MAGI1: variants seen among roughly 807,000 people sequenced by gnomAD.
MAGI1 encodes the protein membrane-associated guanylate kinase, WW and PDZ domain-containing protein 1.
A neutral mutation model predicts 139.9 loss-of-function variants in MAGI1; 58 were observed. The observed-to-expected ratio is 0.41, with a 90% CI of 0.34 to 0.52. The LOEUF (loss-of-function observed/expected upper bound fraction) is 0.52, where lower values mean the gene tolerates loss of function less well. Ranked by LOEUF, MAGI1 falls within the 20% of genes least tolerant of loss-of-function variation. The pLI is 0.12. For missense variants in MAGI1, 1,874 were observed against 1,901.6 expected (o/e 0.99, Z 0.27); for synonymous variants, 812 against 737.9 (o/e 1.10, Z -1.63).
At chr3:65,751,121 A>T (rs1347954606) in intron 1 of MAGI1, among the ~76,000 whole-genome samples, 2 of 152,244 alleles carry the variant, frequency 1.3e-5, no homozygotes, top group Non-Finnish European at 2.9e-5. Context: ...TGGTGAGTAT[A>T]AGCTATAATT....
At chr3:65,394,896 T>C (rs894924451) in intron 13 of MAGI1, among the ~76,000 whole-genome samples, 12 of 152,188 alleles carry the variant, frequency 7.9e-5, no homozygotes, top group African/African-American at 2.9e-4. Flanking sequence ...AGGAGCAGAT[T>C]TGCATTTAAT....
rs147842863 is a variant in MAGI1, at chr3:65,520,693, A to G, written c.431-27062T>C. Among the ~76,000 whole-genome samples the G allele has an allele frequency of 3.2e-3, 489 of 152,310 alleles. 2 individuals carry two copies. Among genetic ancestry groups the G allele is most frequent in the African/African-American group, 0.011 (477 of 41,562 alleles). ...GGCACAACTCCCGGATTTCCACTAC[A>G]TTAAGAGGCCAGATGCAAAAAGAGT... On this transcript the variant is annotated intron_variant, in intron 2 of 22. Transcript: ENST00000402939.
chr3:65,407,446 CAAA>C (rs200345922), intron 12 of MAGI1, among the ~76,000 whole-genome samples: 18 of 97,962 alleles, frequency 1.8e-4, no homozygotes, highest in Admixed American at 3.1e-4. Context: ...GACTCCGTCT[CAAA>C]AAAAAAAAAA....
intron 1 of MAGI1, among the ~76,000 whole-genome samples, chr3:66,036,968 G>A (rs779355959): frequency 2.6e-5 from 4 of 152,130 alleles, no homozygotes; most frequent in Non-Finnish European, 4.4e-5. Context: ...CTTTTAAAAG[G>A]CCTCTACAGA....
intron 1 of MAGI1, among the ~76,000 whole-genome samples, chr3:65,893,110 G>A (rs1260839116): frequency 6.6e-6 from 1 of 152,086 alleles, no homozygotes; most frequent in Non-Finnish European, 1.5e-5. Context: ...AGGCTACACT[G>A]GTAAAAGGCT....
Position 65,986,520 on chromosome 3 carries a change from G to C in MAGI1, c.313+51476C>G, listed in dbSNP as rs536727999. On this transcript the variant is annotated intron_variant, in intron 1 of 22. Transcript: ENST00000402939. ...TTAGCTCTTGCCTTGATGTTCCCCA[G>C]GTGCAAGTGCACACAGCCTTGGTCC... 9.9e-5 allele frequency among the ~76,000 whole-genome samples: 15 copies of C among 152,268 alleles called. No individual in the cohort carries two copies. In the South Asian group the frequency reaches 2.9e-3, roughly 29 times the overall value.
intron 1 of MAGI1, among the ~76,000 whole-genome samples, chr3:66,030,429 T>C (rs1349722985): frequency 6.6e-6 from 1 of 152,200 alleles, no homozygotes; most frequent in African/African-American, 2.4e-5. Flanking sequence ...CTGGGGATAC[T>C]GTGGGAGAAC....
At chr3:65,719,718 G>C (rs1156552516) in intron 1 of MAGI1, among the ~76,000 whole-genome samples, 1 of 151,858 alleles carries the variant, frequency 6.6e-6, no homozygotes, top group Non-Finnish European at 1.5e-5. Flanking sequence ...GCTAATTTTT[G>C]TATTTTTTTG....
At chr3:65,996,485 G>C (rs2066453989) in intron 1 of MAGI1, among the ~76,000 whole-genome samples, 1 of 134,056 alleles carries the variant, frequency 7.5e-6, no homozygotes. Flanking sequence ...CAAGTAAAAA[G>C]CCGTAATTTT....
chr3:65,377,786 T>A (rs933920762), intron 17 of MAGI1, among the ~76,000 whole-genome samples: 4 of 152,212 alleles, frequency 2.6e-5, no homozygotes, highest in African/African-American at 9.7e-5. Flanking sequence ...AAAAGCACTG[T>A]TAGTAATAGG....
intron 2 of MAGI1, among the ~76,000 whole-genome samples, chr3:65,589,669 C>T (rs1437843874): frequency 6.6e-6 from 1 of 151,658 alleles, no homozygotes; most frequent in Non-Finnish European, 1.5e-5. Context: ...TCTGTCACAA[C>T]TACTCAACAC....
In MAGI1 at chr3:65,511,178, C is replaced by T. The variant is rs1435091952; in HGVS notation, c.431-17547G>A. ...AGCGCTAAACATGGAAAGGAACAACCGGTACCAGCTGCTGCAAAATCATGC... is the reference window on the plus strand; with the variant it reads ...AGCGCTAAACATGGAAAGGAACAACTGGTACCAGCTGCTGCAAAATCATGC... On this transcript the variant is annotated intron_variant, in intron 2 of 22. Transcript: ENST00000402939. 7.4e-5 allele frequency among the ~76,000 whole-genome samples: 11 copies of T among 149,184 alleles called. No homozygotes were observed. In the South Asian group the frequency reaches 1.1e-3, roughly 15 times the overall value.
At chr3:65,780,013 T>A (rs1271916694) in intron 1 of MAGI1, among the ~76,000 whole-genome samples, 1 of 129,282 alleles carries the variant, frequency 7.7e-6, no homozygotes, top group Admixed American at 8.2e-5. Context: ...GAACATGCTA[T>A]CAATTTTTTG....
intron 13 of MAGI1, among the ~76,000 whole-genome samples, chr3:65,398,837 C>T (rs73125542): frequency 0.032 from 4,910 of 152,154 alleles, 114 homozygotes; most frequent in South Asian, 0.048. Flanking sequence ...CCATTGTCCC[C>T]AATGAGTATA....
Position 65,879,855 on chromosome 3 carries a change from C to G in MAGI1, c.313+158141G>C, listed in dbSNP as rs535741345. ...GATAAGTGGGCTGAACTGGGTCTGT[C>G]TGATGAACTCTGAAGCCCATTCTCT... On this transcript the variant is annotated intron_variant, in intron 1 of 22. Transcript: ENST00000402939. Among the ~76,000 whole-genome samples, 10 of 152,310 alleles carry G rather than the reference C, an allele frequency of 6.6e-5. No individual in the cohort carries two copies. In the East Asian group the frequency reaches 1.9e-3, roughly 29 times the overall value.
At chr3:65,817,027 G>A (rs970535069) in intron 1 of MAGI1, among the ~76,000 whole-genome samples, 4 of 152,042 alleles carry the variant, frequency 2.6e-5, no homozygotes, top group Admixed American at 2.6e-4. Context: ...AGAATAAAAG[G>A]GTTTGGACAT....
rs761977168 is a variant in MAGI1, at chr3:65,375,702, G to A, written c.3196+43C>T. On this transcript the variant is annotated intron_variant, in intron 18 of 22. Coordinates refer to ENST00000402939, the MANE Select transcript of MAGI1 (RefSeq NM_001033057.2). ...AAAGGAAAAGACAGAGACAGAGAGA[G>A]AGAAAAAGAGAGAGAGAGAGAGAGA... 26 of 1,393,208 alleles carry A rather than the reference G, an allele frequency of 1.9e-5. No homozygotes were observed. The South Asian group carries it at 2.5e-4, about 13-fold the overall frequency. The allele number at this position is 1,393,208 out of a possible 1,614,324, so 86.3% of individuals were successfully genotyped here. A position where few individuals can be genotyped will look rare whatever the true frequency, so the allele number is the denominator to read the frequency against.
intron 1 of MAGI1, among the ~76,000 whole-genome samples, chr3:65,635,614 C>T (rs751169441): frequency 6.6e-6 from 1 of 152,114 alleles, no homozygotes; most frequent in Non-Finnish European, 1.5e-5. Flanking sequence ...AGGGGTAAAC[C>T]CTTGTAATCC....
chr3:65,851,740 C>G (rs1463569269), intron 1 of MAGI1, among the ~76,000 whole-genome samples: 3 of 151,916 alleles, frequency 2.0e-5, no homozygotes, highest in Non-Finnish European at 2.9e-5. Context: ...CAGAGCAAGT[C>G]TCTGTCTCAA....
Sources: gnomAD v4.1 joint callset for allele counts (sites outside exome capture counted in the v4.1 genomes callset) on GRCh38, gnomAD v4.1.1 for gene constraint, MANE v1.5 for transcripts, NCBI Gene and HGNC (gene_info 2026-07-23, HGNC 2026-07-21) for gene names.